PRMT3: variants seen among roughly 807,000 people sequenced by gnomAD.
PRMT3 encodes protein arginine methyltransferase 3.
Under a neutral mutation model 71.9 loss-of-function variants are expected in PRMT3, and 62 were observed. The observed-to-expected ratio is 0.86, with a 90% CI of 0.70 to 1.07. PRMT3 has a LOEUF of 1.07. Among genes scored for constraint, PRMT3 ranks in the 50% least tolerant of loss-of-function variants. The probability of loss-of-function intolerance (pLI) is 0.00; values close to 1 mark genes in which losing one functional copy is unlikely to be tolerated. For synonymous variants in PRMT3, 213 were observed against 220.4 expected (o/e 0.97, Z 0.30); for missense variants, 663 against 643.0 (o/e 1.03, Z -0.34).
intron 3 of PRMT3, among the ~76,000 whole-genome samples, chr11:20,391,331 C>T (rs1312786052): frequency 8.6e-5 from 13 of 151,864 alleles, no homozygotes; most frequent in South Asian, 8.3e-4. Flanking sequence ...CTGCAACCTC[C>T]GCCTCCCGGG....
Position 20,464,444 on chromosome 11 carries a change from T to C in PRMT3, c.1261-16T>C, listed in dbSNP as rs752187918. 6.3e-7 allele frequency: 1 copy of C among 1,576,542 alleles called. No homozygotes were observed. The highest frequency in any genetic ancestry group is 8.6e-7 in the Non-Finnish European group (1 of 1,166,350). On this transcript the variant is annotated splice_polypyrimidine_tract_variant and intron_variant, in intron 12 of 15. Coordinates refer to ENST00000331079, the MANE Select transcript of PRMT3 (RefSeq NM_005788.4). ...ATTTTTACTAAGCTCTTTCTTCACT[T>C]CTTTTTAATGGGTAGCATATAGATT...
chr11:20,440,150 A>G (rs1203881329), intron 10 of PRMT3, among the ~76,000 whole-genome samples: 1 of 152,238 alleles, frequency 6.6e-6, no homozygotes, highest in African/African-American at 2.4e-5. Context: ...AAAAGGGGAT[A>G]TATTTATGAC....
At chr11:20,494,097 C>T in intron 14 of PRMT3, 70 bp from the exon 15 acceptor site, 11 of 1,483,780 alleles carry the variant, frequency 7.4e-6, no homozygotes, top group Non-Finnish European at 1.0e-5. Context: ...TGTTTGATGT[C>T]GTAGATTAAT....
At chr11:20,477,744 TGTC>T (rs1283535439) in intron 13 of PRMT3, among the ~76,000 whole-genome samples, 3 of 151,768 alleles carry the variant, frequency 2.0e-5, no homozygotes, top group Non-Finnish European at 2.9e-5. Flanking sequence ...TGAATAGTAA[TGTC>T]GTATTAATAG....
intron 15 of PRMT3, 102 bp from the exon 16 acceptor site, chr11:20,508,202 G>T: frequency 1.7e-6 from 1 of 571,566 alleles, no homozygotes; most frequent in Admixed American, 3.3e-5. Flanking sequence ...TTTAAAAAGT[G>T]GGAAAACATC....
chr11:20,490,030 G>A (rs10833335), intron 13 of PRMT3, among the ~76,000 whole-genome samples: 79,699 of 147,624 alleles, frequency 0.54, 22,628 homozygotes, highest in Middle Eastern at 0.65. Context: ...TTTGAGGGTA[G>A]ACACCCATTT....
At chr11:20,452,509 A>C (rs1416454567) in intron 11 of PRMT3, among the ~76,000 whole-genome samples, 2 of 152,136 alleles carry the variant, frequency 1.3e-5, no homozygotes, top group African/African-American at 2.4e-5. Flanking sequence ...AAATCTAACA[A>C]ACTCCTTTTT....
intron 13 of PRMT3, among the ~76,000 whole-genome samples, chr11:20,465,453 TTA>T (rs903418000): frequency 6.6e-6 from 1 of 152,018 alleles, no homozygotes; most frequent in African/African-American, 2.4e-5. Context: ...GTAAAATAGA[TTA>T]TAAGTCATGT....
At chr11:20,390,430 G>A (rs1312297429) in intron 3 of PRMT3, among the ~76,000 whole-genome samples, 5 of 152,216 alleles carry the variant, frequency 3.3e-5, no homozygotes, top group East Asian at 3.8e-4. Flanking sequence ...GAGAGCAAGT[G>A]TAGATGTAGG....
At chr11:20,399,117 G>A (rs543083792) in intron 7 of PRMT3, among the ~76,000 whole-genome samples, 1 of 152,288 alleles carries the variant, frequency 6.6e-6, no homozygotes, top group East Asian at 1.9e-4. Context: ...AGTTTTAGAT[G>A]TTTATCTCTG....
chr11:20,496,055 C>T (rs1019218470), intron 15 of PRMT3, among the ~76,000 whole-genome samples: 1 of 152,194 alleles, frequency 6.6e-6, no homozygotes, highest in East Asian at 1.9e-4. Flanking sequence ...ACCATCCCTA[C>T]AGCTAAGCAA....
chr11:20,394,511 A>G (rs926593246), intron 5 of PRMT3, among the ~76,000 whole-genome samples: 1 of 152,150 alleles, frequency 6.6e-6, no homozygotes, highest in Admixed American at 6.5e-5. Context: ...CAGGTATACA[A>G]TGTGATGATT....
At chr11:20,437,517 C>T (rs1236699532) in intron 10 of PRMT3, among the ~76,000 whole-genome samples, 3 of 151,936 alleles carry the variant, frequency 2.0e-5, no homozygotes, top group Non-Finnish European at 4.4e-5. Context: ...CTGTGTTCAA[C>T]ATCAGCAATA....
chr11:20,461,829 A>G (rs773166313), intron 11 of PRMT3, 151 bp from the exon 12 acceptor site: 9 of 539,638 alleles, frequency 1.7e-5, no homozygotes, highest in Non-Finnish European at 2.3e-5. Flanking sequence ...AAGATGAAGC[A>G]TGGTTGTTTT....
intron 10 of PRMT3, among the ~76,000 whole-genome samples, chr11:20,450,971 A>G (rs1461286104): frequency 1.3e-5 from 2 of 152,144 alleles, no homozygotes; most frequent in Admixed American, 1.3e-4. Context: ...GAGCAATAAG[A>G]TGTACTATGT....
At chr11:20,418,762 GAA>G (rs879394293) in intron 9 of PRMT3, among the ~76,000 whole-genome samples, 1 of 145,462 alleles carries the variant, frequency 6.9e-6, no homozygotes, top group African/African-American at 2.5e-5. Flanking sequence ...ATACCCTTTT[GAA>G]AAAAAAAACT....
chr11:20,420,042 C>A (rs1849392157), intron 9 of PRMT3, among the ~76,000 whole-genome samples: 1 of 152,100 alleles, frequency 6.6e-6, no homozygotes, highest in Admixed American at 6.5e-5. Flanking sequence ...CATGGTTGCA[C>A]ATGCCTGTAA....
Position 20,428,729 on chromosome 11 carries a change from C to T in PRMT3, c.993+1864C>T, listed in dbSNP as rs150938821. Among the ~76,000 whole-genome samples the T allele has an allele frequency of 7.8e-4, 119 of 152,340 alleles. 3 individuals are homozygous for T. The East Asian group carries it at 0.021, about 27-fold the overall frequency. On this transcript the variant is annotated intron_variant, in intron 10 of 15. Coordinates refer to ENST00000331079, the MANE Select transcript of PRMT3 (RefSeq NM_005788.4). Reference sequence around the variant, plus strand: ...TGCCTTTACCAAGCTCCTATGATGGCTAACTTCTGCTGAGTTTGGGGAACC... The same window carrying T: ...TGCCTTTACCAAGCTCCTATGATGGTTAACTTCTGCTGAGTTTGGGGAACC...
rs527326361 is a variant in PRMT3 at position 20,483,979 on chromosome 11, GCAT to G, written c.1348-9933_1348-9931del. Among the ~76,000 whole-genome samples the G allele has an allele frequency of 2.0e-5, 3 of 152,208 alleles. No individual in the cohort carries two copies. In the South Asian group the frequency reaches 6.2e-4, roughly 31 times the overall value. On this transcript the variant is annotated intron_variant, in intron 13 of 15. Coordinates refer to ENST00000331079, the MANE Select transcript of PRMT3 (RefSeq NM_005788.4). The stretch of plus-strand genomic sequence containing the variant: ...TAAAAATAGGAAGTTATAAGTTACA[GCAT>G]CATCATTTCCTTTTACCAAAGGTTG...
Sources: gnomAD v4.1 joint callset for allele counts (sites outside exome capture counted in the v4.1 genomes callset) on GRCh38, gnomAD v4.1.1 for gene constraint, MANE v1.5 for transcripts, NCBI Gene and HGNC (gene_info 2026-07-23, HGNC 2026-07-21) for gene names.